The following ACOXL variants were observed in gnomAD, a reference collection of about 807,000 sequenced individuals.
ACOXL encodes the protein acyl-coenzyme A oxidase-like protein.
Under a neutral mutation model 71.9 loss-of-function variants are expected in ACOXL, and 70 were observed. The ratio of observed to expected loss-of-function variants is 0.97; its 90% CI spans 0.80 to 1.19. The LOEUF (loss-of-function observed/expected upper bound fraction) is 1.19. Among genes scored for constraint, ACOXL ranks in the 50% most tolerant of loss-of-function variants. ACOXL has a pLI of 0.00. For missense variants in ACOXL, 703 were observed against 736.3 expected (o/e 0.95, Z 0.52); for synonymous variants, 253 against 281.6 (o/e 0.90, Z 1.02).
intron 3 of ACOXL, among the ~76,000 whole-genome samples, chr2:110,793,340 G>A (rs1256276120): frequency 6.6e-6 from 1 of 152,152 alleles, no homozygotes; most frequent in Non-Finnish European, 1.5e-5. Flanking sequence ...CAGGACCTAA[G>A]CTAGATCCTG....
chr2:110,950,203 T>C (rs1237494128), intron 12 of ACOXL, among the ~76,000 whole-genome samples: 1 of 152,082 alleles, frequency 6.6e-6, no homozygotes, highest in Non-Finnish European at 1.5e-5. Flanking sequence ...CCAGCATGTC[T>C]TTTGATGTTA....
intron 10 of ACOXL, among the ~76,000 whole-genome samples, chr2:110,906,537 C>CA (rs368985557): frequency 0.04 from 2,882 of 71,638 alleles, 172 homozygotes; most frequent in African/African-American, 0.14. Flanking sequence ...GACTCTGTCT[C>CA]AAAAAAAAAA....
chr2:110,950,548 A>G (rs994558741), intron 12 of ACOXL, among the ~76,000 whole-genome samples: 2 of 152,134 alleles, frequency 1.3e-5, no homozygotes, highest in African/African-American at 4.8e-5. Flanking sequence ...CCAATTTGCC[A>G]AATTTTGATC....
chr2:110,833,455 G>T (rs750615482), intron 9 of ACOXL, among the ~76,000 whole-genome samples: 2 of 152,282 alleles, frequency 1.3e-5, no homozygotes, highest in Admixed American at 1.3e-4. Context: ...GGCTACACAC[G>T]GTCACCATGA....
chr2:111,046,240 G>A (rs959815877), intron 15 of ACOXL, among the ~76,000 whole-genome samples: 15 of 152,316 alleles, frequency 9.8e-5, no homozygotes, highest in East Asian at 3.9e-4. Flanking sequence ...GGCTCCACAC[G>A]TCACTGATGA....
chr2:110,778,973 C>A (rs778166396), intron 2 of ACOXL, among the ~76,000 whole-genome samples: 1 of 152,170 alleles, frequency 6.6e-6, no homozygotes, highest in Admixed American at 6.5e-5. Context: ...CAATATCAAT[C>A]GATTCTGTAA....
chr2:111,077,696 T>C (rs928810087), intron 16 of ACOXL, among the ~76,000 whole-genome samples: 6 of 152,260 alleles, frequency 3.9e-5, no homozygotes, highest in Non-Finnish European at 7.3e-5. Flanking sequence ...TTACACGATA[T>C]ATAATTCTGG....
rs79641991 is a variant in ACOXL, at chr2:111,052,765, C to T, written c.1440+3477C>T. Among the ~76,000 whole-genome samples the T allele has an allele frequency of 3.6e-3, 552 of 152,306 alleles. 10 individuals carry two copies. The East Asian group carries it at 0.046, about 13-fold the overall frequency. On this transcript the variant is annotated intron_variant, in intron 16 of 17. Coordinates refer to ENST00000439055, the MANE Select transcript of ACOXL (RefSeq NM_001142807.4). ...AGAGCCCATTTGCCCTTGGCTCCACCTGCACTCGCCTGTGACTCCAGGTGT... is the reference window on the plus strand; with the variant it reads ...AGAGCCCATTTGCCCTTGGCTCCACTTGCACTCGCCTGTGACTCCAGGTGT...
In ACOXL at chr2:110,993,402, T is replaced by C. The variant is rs548041464; in HGVS notation, c.1170-2491T>C. Among the ~76,000 whole-genome samples, 131 of 152,372 alleles carry C rather than the reference T, an allele frequency of 8.6e-4. 4 individuals carry two copies. The South Asian group carries it at 0.025, about 30-fold the overall frequency. On this transcript the variant is annotated intron_variant, in intron 13 of 17. Coordinates refer to ENST00000439055, the MANE Select transcript of ACOXL (RefSeq NM_001142807.4). ...ACAGAACCAGGCAGTATGTACTCTT[T>C]TGTAGCTGCCTCGTGAAATTGGCAT... is the stretch of plus-strand genomic sequence containing the variant.
chr2:110,869,242 A>G (rs1558647458), intron 10 of ACOXL, among the ~76,000 whole-genome samples: 1 of 152,146 alleles, frequency 6.6e-6, no homozygotes, highest in African/African-American at 2.4e-5. Context: ...GTGAATACTC[A>G]GCATTTCAAG....
At chr2:110,806,277 C>T (rs1447810708) in intron 9 of ACOXL, among the ~76,000 whole-genome samples, 8 of 152,236 alleles carry the variant, frequency 5.3e-5, no homozygotes, top group South Asian at 2.1e-4. Context: ...GCCATCAACA[C>T]GCGTACGCGG....
At chr2:111,018,467 C>T (rs981444942) in intron 14 of ACOXL, among the ~76,000 whole-genome samples, 9 of 152,174 alleles carry the variant, frequency 5.9e-5, no homozygotes, top group African/African-American at 1.9e-4. Context: ...GGGTCACAGG[C>T]TAGAGAGGCT....
At chr2:110,747,645 G>T (rs1196247994) in intron 1 of ACOXL, among the ~76,000 whole-genome samples, 2 of 152,216 alleles carry the variant, frequency 1.3e-5, no homozygotes, top group African/African-American at 4.8e-5. Flanking sequence ...ACGTGCCCTG[G>T]GGCTGGGCAG....
intron 17 of ACOXL, chr2:111,100,749 C>T (rs2069093050): frequency 6.5e-6 from 1 of 152,722 alleles, no homozygotes; most frequent in Non-Finnish European, 1.5e-5. Context: ...GGGAAGTGGA[C>T]ACAGGAGCAG....
chr2:110,844,838 C>T (rs939726472), intron 10 of ACOXL, among the ~76,000 whole-genome samples: 1 of 152,086 alleles, frequency 6.6e-6, no homozygotes, highest in African/African-American at 2.4e-5. Context: ...TGAGCCACCA[C>T]GCCCGGCCAC....
intron 12 of ACOXL, among the ~76,000 whole-genome samples, chr2:110,977,552 T>C (rs2062222): frequency 1.2e-4 from 19 of 152,088 alleles, no homozygotes; most frequent in Admixed American, 8.5e-4. Flanking sequence ...CAACCCTCTT[T>C]ACTCCCACGA....
At chr2:111,030,318 A>C (rs2065205507) in intron 14 of ACOXL, among the ~76,000 whole-genome samples, 1 of 152,154 alleles carries the variant, frequency 6.6e-6, no homozygotes, top group African/African-American at 2.4e-5. Context: ...TGAGAGTTGC[A>C]TGCATCTGCC....
intron 10 of ACOXL, among the ~76,000 whole-genome samples, chr2:110,900,072 AAC>A (rs1207320985): frequency 8.1e-6 from 1 of 123,194 alleles, no homozygotes; most frequent in Non-Finnish European, 1.7e-5. Flanking sequence ...AAAGCTTTTC[AAC>A]ACACACACAC....
intron 9 of ACOXL, among the ~76,000 whole-genome samples, chr2:110,810,579 A>T (rs1312152739): frequency 1.3e-5 from 2 of 151,722 alleles, no homozygotes; most frequent in Non-Finnish European, 2.9e-5. Context: ...TCATCCATCC[A>T]TCATTCATCA....
Sources: gnomAD v4.1 joint callset for allele counts (sites outside exome capture counted in the v4.1 genomes callset) on GRCh38, gnomAD v4.1.1 for gene constraint, MANE v1.5 for transcripts, NCBI Gene and HGNC (gene_info 2026-07-23, HGNC 2026-07-21) for gene names.